Variants in CFAP77 observed in about 807,000 individuals in gnomAD.
CFAP77 encodes cilia and flagella associated protein 77, also known as cilia- and flagella-associated protein 77.
In CFAP77, 25 loss-of-function variants were observed where a neutral mutation model predicts 31.1. The observed-to-expected ratio is 0.80, with a 90% confidence interval of 0.59 to 1.12. The LOEUF (loss-of-function observed/expected upper bound fraction) is 1.12, where lower values mean the gene tolerates loss of function less well. Ranked by LOEUF, CFAP77 falls within the 50% of genes most tolerant of loss-of-function variation. The pLI is 0.00. For synonymous variants in CFAP77, 151 were observed against 159.9 expected (o/e 0.94, Z 0.42); for missense variants, 377 against 397.3 (o/e 0.95, Z 0.44).
rs868791023 is a variant in CFAP77, at chr9:132,517,988, C to T, written c.524+18388C>T. ...CGCTTTATGGGACTGAGTTTTGACC[C>T]GGTTTTGTTGCTAGTGGGCGCGTCC... On this transcript the variant is annotated intron_variant, in intron 3 of 5. Coordinates refer to ENST00000393216, the MANE Select transcript of CFAP77 (RefSeq NM_001282957.2). This position sits in a 1 kb window ranked among gnomAD's most constrained non-coding sequence, Gnocchi z 4.7. Among the ~76,000 whole-genome samples the T allele has an allele frequency of 1.3e-5, 2 of 152,062 alleles. No individual in the cohort carries two copies. The highest frequency in any genetic ancestry group is 1.9e-4 in the East Asian group (1 of 5,186).
chr9:132,513,337 T>C (rs1475874676), intron 3 of CFAP77: 1 of 1,546,494 alleles, frequency 6.5e-7, no homozygotes, highest in African/African-American at 1.4e-5. Flanking sequence ...TTTAGCACGC[T>C]AACCATCTGG....
intron 3 of CFAP77, among the ~76,000 whole-genome samples, chr9:132,516,488 G>T (rs117114771): frequency 0.02 from 2,974 of 152,126 alleles, 43 homozygotes; most frequent in Non-Finnish European, 0.032. Flanking sequence ...GGTGGGTGTG[G>T]TTCCAAAGGA....
intron 3 of CFAP77, chr9:132,513,528 G>A (rs1001906632): frequency 5.8e-5 from 39 of 671,620 alleles, no homozygotes; most frequent in African/African-American, 5.8e-4. Flanking sequence ...TGTCGTTAGC[G>A]ATCCATAAAT....
At position 132,516,590 on chromosome 9, in the gene CFAP77, TAC is replaced by T. The variant is rs34683089; in HGVS notation, c.524+17021_524+17022del. The stretch of plus-strand genomic sequence containing the variant: ...AACACATGATTAAACCACACAGAAA[TAC>T]ACACACACACACACACACACACACA... On this transcript the variant is annotated intron_variant, in intron 3 of 5. Transcript: ENST00000393216. 4.1e-3 allele frequency among the ~76,000 whole-genome samples: 594 copies of T among 144,672 alleles called. 2 individuals are homozygous for T. The highest frequency in any genetic ancestry group is 8.7e-3 in the South Asian group (39 of 4,460). The allele number at this position is 144,672 out of a possible 152,430, so 94.9% of individuals were successfully genotyped here.
intron 1 of CFAP77, among the ~76,000 whole-genome samples, chr9:132,487,597 A>G (rs541177936): frequency 1.3e-5 from 2 of 150,562 alleles, no homozygotes; most frequent in South Asian, 4.2e-4. Context: ...TTTTTTTTTA[A>G]CGTGGTTGTA....
At chr9:132,415,873 A>G (rs536873937) in intron 1 of CFAP77, among the ~76,000 whole-genome samples, 2 of 152,246 alleles carry the variant, frequency 1.3e-5, no homozygotes, top group South Asian at 2.1e-4. Flanking sequence ...TGATTCAAAC[A>G]GCCTTTTAAG....
At chr9:132,465,448 G>A (rs1851137880) in intron 1 of CFAP77, among the ~76,000 whole-genome samples, 1 of 152,176 alleles carries the variant, frequency 6.6e-6, no homozygotes, top group Non-Finnish European at 1.5e-5. Context: ...CCAGGAAAAG[G>A]CACAAGTTAG....
chr9:132,411,911 G>C (rs1341032105), intron 1 of CFAP77, among the ~76,000 whole-genome samples: 1 of 152,058 alleles, frequency 6.6e-6, no homozygotes, highest in Non-Finnish European at 1.5e-5. Context: ...ATGCATTTGT[G>C]TATGCACCCA....
In CFAP77 at chr9:132,490,817, ACAT is replaced by A. The variant is rs1851641030; in HGVS notation, c.196-7877_196-7875del. On this transcript the variant is annotated intron_variant, in intron 1 of 5. Coordinates refer to ENST00000393216, the MANE Select transcript of CFAP77 (RefSeq NM_001282957.2). This position sits in a 1 kb window ranked among gnomAD's most constrained non-coding sequence, Gnocchi z 4.6. Reference sequence around the variant, plus strand: ...AGCAGCTCCTCCGTCATTTTGTTCAACATTGTTATAATGTTGATGAGAAAAGAA... The same window carrying A: ...AGCAGCTCCTCCGTCATTTTGTTCAATGTTATAATGTTGATGAGAAAAGAA... Among the ~76,000 whole-genome samples the A allele has an allele frequency of 6.6e-6, 1 of 152,114 alleles. No individual in the cohort carries two copies. Among genetic ancestry groups the A allele is most frequent in the African/African-American group, 2.4e-5 (1 of 41,414 alleles).
chr9:132,514,880 G>A (rs913224058), intron 3 of CFAP77, among the ~76,000 whole-genome samples: 1 of 152,190 alleles, frequency 6.6e-6, no homozygotes, highest in African/African-American at 2.4e-5. Flanking sequence ...CTGGAGCCAA[G>A]GGGTGAATTA....
chr9:132,538,868 A>T (rs1589915156), intron 4 of CFAP77, among the ~76,000 whole-genome samples: 1 of 152,116 alleles, frequency 6.6e-6, no homozygotes, highest in African/African-American at 2.4e-5. Context: ...CGGGCGGATC[A>T]TGAGGTCCGG....
chr9:132,418,776 C>CGGTA (rs1269615853), intron 1 of CFAP77, among the ~76,000 whole-genome samples: 3 of 152,160 alleles, frequency 2.0e-5, no homozygotes, highest in African/African-American at 7.2e-5. Flanking sequence ...AATCACTGAC[C>CGGTA]GGTAGACAAG....
At chr9:132,417,699 G>T (rs952532865) in intron 1 of CFAP77, among the ~76,000 whole-genome samples, 2 of 152,244 alleles carry the variant, frequency 1.3e-5, no homozygotes, top group Non-Finnish European at 2.9e-5. Context: ...GACAGTGCAG[G>T]CAGGGTCTGG....
At chr9:132,537,735 C>T (rs969846147) in intron 4 of CFAP77, 29 bp downstream of exon 4, 11 of 1,548,180 alleles carry the variant, frequency 7.1e-6, no homozygotes, top group Non-Finnish European at 9.8e-6. Context: ...CCCAAGTTGA[C>T]AGCTGATGGG....
Position 132,498,995 on chromosome 9 carries a change from G to A in CFAP77, c.295+201G>A, listed in dbSNP as rs533613768. Among the ~76,000 whole-genome samples, 17 of 152,194 alleles carry A rather than the reference G, an allele frequency of 1.1e-4. No individual in the cohort carries two copies. The highest frequency in any genetic ancestry group is 5.8e-4 in the East Asian group (3 of 5,162). The stretch of plus-strand genomic sequence containing the variant: ...AGGGCCAAGCAGGGCCCTGGTGTGC[G>A]GTGTCAGGGAACTAGCATGGGTATC... On this transcript the variant is annotated intron_variant, in intron 2 of 5. Transcript: ENST00000393216. The surrounding 1 kb of genome is among the most constrained non-coding windows in gnomAD (Gnocchi z 4.2).
rs778110990 is a variant in CFAP77, at chr9:132,542,987, GA to G, written c.673del (p.Arg225GlyfsTer7). On this transcript the variant is annotated frameshift_variant, in exon 5 of 6. Transcript: ENST00000393216. LOFTEE classifies it high-confidence loss of function. ...TGTATGAGACCCGGAGCAGTCAGCT[GA>G]GGAAGTACAAGCCGCCCGTGAAGCT... The part of the protein sequence containing the change: ...KLYETRSSQL[R>X]KYKPPVKLDT... 1.9e-6 allele frequency: 3 copies of G among 1,614,054 alleles called. No homozygotes were observed. The African/African-American group carries it at 4.0e-5, about 22-fold the overall frequency.
At chr9:132,550,626 G>A (rs1008690132) in intron 5 of CFAP77, among the ~76,000 whole-genome samples, 1 of 149,062 alleles carries the variant, frequency 6.7e-6, no homozygotes, top group South Asian at 2.2e-4. Flanking sequence ...CCAGTCTCAA[G>A]TGATTCTCCT....
At chr9:132,410,491 T>C in intron 1 of CFAP77, 25 bp downstream of exon 1, 1 of 1,529,806 alleles carries the variant, frequency 6.5e-7, no homozygotes, top group Admixed American at 2.3e-5. Flanking sequence ...CCCACCGCGC[T>C]TTCGCTGTCG....
rs947066431 is a variant in CFAP77 at position 132,459,614 on chromosome 9, T to C, written c.196-39081T>C. Among the ~76,000 whole-genome samples, 2 of 151,632 alleles carry C rather than the reference T, an allele frequency of 1.3e-5. 1 individual carries two copies. The highest frequency in any genetic ancestry group is 4.9e-5 in the African/African-American group (2 of 41,188). On this transcript the variant is annotated intron_variant, in intron 1 of 5. Coordinates refer to ENST00000393216, the MANE Select transcript of CFAP77 (RefSeq NM_001282957.2). ...ATATATATATGCCTGTATATGTGTGTGTATGTATATGTGTGTATACATGTG... is the reference window on the plus strand; with the variant it reads ...ATATATATATGCCTGTATATGTGTGCGTATGTATATGTGTGTATACATGTG...
Sources: allele counts gnomAD v4.1 joint callset (sites outside exome capture counted in the v4.1 genomes callset), GRCh38; gene constraint gnomAD v4.1.1; non-coding constraint Gnocchi (gnomAD v3.1); transcripts MANE v1.5; gene names NCBI Gene and HGNC (gene_info 2026-07-23, HGNC 2026-07-21).